Variants in C1orf94 observed in about 807,000 individuals in gnomAD.
The protein encoded by C1orf94 is chromosome 1 open reading frame 94.
In C1orf94, 45 loss-of-function variants were observed where a neutral mutation model predicts 53.6. The observed-to-expected ratio is 0.84, with a 90% CI of 0.66 to 1.08. The LOEUF (loss-of-function observed/expected upper bound fraction) is 1.08. Ranked by LOEUF, C1orf94 falls within the 50% of genes least tolerant of loss-of-function variation. The probability of loss-of-function intolerance (pLI) is 0.00; values close to 1 mark genes in which losing one functional copy is unlikely to be tolerated. For synonymous variants in C1orf94, 304 were observed against 296.1 expected (o/e 1.03, Z -0.27); for missense variants, 762 against 738.9 (o/e 1.03, Z -0.36).
At position 34,202,952 on chromosome 1, in the gene C1orf94, CAT is replaced by C. The variant is rs1217276441; in HGVS notation, c.1446+695_1446+696del. Among the ~76,000 whole-genome samples, 10 of 152,310 alleles carry C rather than the reference CAT, an allele frequency of 6.6e-5. No homozygotes were observed. The South Asian group carries it at 1.2e-3, about 19-fold the overall frequency. On this transcript the variant is annotated intron_variant, in intron 4 of 6. Coordinates refer to ENST00000488417, the MANE Select transcript of C1orf94 (RefSeq NM_001134734.2). ...GATAATACAGTATAATAACTATTTA[CAT>C]AGTACATTATTAGGCGTTGTTAGTA...
At chr1:34,190,675 T>C (rs1642467436) in intron 1 of C1orf94, among the ~76,000 whole-genome samples, 1 of 152,232 alleles carries the variant, frequency 6.6e-6, no homozygotes, top group Admixed American at 6.5e-5. Flanking sequence ...GCAACATAGC[T>C]AGTGGTTAAG....
rs752960436 is a variant in C1orf94, at chr1:34,197,422, G to T, written c.518G>T (p.Arg173Leu). 2 of 1,613,900 alleles carry T rather than the reference G, an allele frequency of 1.2e-6. No homozygotes were observed. The highest frequency in any genetic ancestry group is 4.5e-5 in the East Asian group (2 of 44,864). ...CCTCTAGTGGCAGGCAGTAATGAGC[G>T]CCCCAGAGCCTCCATCATTGTCGGA... ...APPLVAGSNE[R>L]PRASIIVGDK... Residue 173 changes from arginine (R) to leucine (L), a missense_variant, in exon 2 of 7, where the codon CGC becomes CTC. Arg to Leu is a moderately radical substitution (Grantham distance 102). Transcript: ENST00000488417. The surrounding 1 kb of genome is among the most constrained non-coding windows in gnomAD (Gnocchi z 4.1).
At chr1:34,200,704 A>G in intron 2 of C1orf94, 68 bp from the exon 3 acceptor site, 2 of 1,589,488 alleles carry the variant, frequency 1.3e-6, no homozygotes, top group East Asian at 4.5e-5. Context: ...TTAGTCCACA[A>G]AAAGGTGCTT....
intron 1 of C1orf94, among the ~76,000 whole-genome samples, chr1:34,169,982 A>G (rs546769446): frequency 1.7e-4 from 26 of 152,368 alleles, no homozygotes; most frequent in Admixed American, 7.8e-4. Context: ...TAGTGCTACC[A>G]CATGCTGTGG....
intron 5 of C1orf94, 42 bp from the exon 6 acceptor site, chr1:34,212,168 G>A (rs1461177487): frequency 6.4e-7 from 1 of 1,551,064 alleles, no homozygotes; most frequent in Admixed American, 1.8e-5. Context: ...GAGTTGGGCT[G>A]GGGAATGGTG....
chr1:34,185,922 G>A (rs1034257522), intron 1 of C1orf94, among the ~76,000 whole-genome samples: 1 of 152,188 alleles, frequency 6.6e-6, no homozygotes, highest in Admixed American at 6.5e-5. Context: ...AGAGCTACCA[G>A]CAGGTGCATG....
intron 1 of C1orf94, among the ~76,000 whole-genome samples, chr1:34,192,809 A>T (rs1165716030): frequency 6.6e-6 from 1 of 152,142 alleles, no homozygotes; most frequent in Non-Finnish European, 1.5e-5. Context: ...TTGCAGGGAG[A>T]AGCATTCCAT....
chr1:34,210,393 C>T (rs1642870175), intron 5 of C1orf94, among the ~76,000 whole-genome samples: 1 of 152,182 alleles, frequency 6.6e-6, no homozygotes, highest in Admixed American at 6.5e-5. Context: ...AGGGAGGACT[C>T]AGGTTTCCAA....
rs778082498 is a variant in C1orf94 at position 34,197,320 on chromosome 1, A to C, written c.416A>C (p.Glu139Ala). ...AAAGAGCACTCGATCCTGGTCGAAGAGAGTTCTGGGGAGCTGGAGGTACCC... is the reference window on the plus strand; with the variant it reads ...AAAGAGCACTCGATCCTGGTCGAAGCGAGTTCTGGGGAGCTGGAGGTACCC... ...LTKEHSILVE[E>A]SSGELEVPGS... The change falls in exon 2 of 7, where the codon GAG becomes GCG. Residue 139 changes from glutamate to alanine, a missense_variant. By Grantham distance (107) the Glu-to-Ala change is moderately radical. Coordinates refer to ENST00000488417, the MANE Select transcript of C1orf94 (RefSeq NM_001134734.2). This position sits in a 1 kb window ranked among gnomAD's most constrained non-coding sequence, Gnocchi z 4.1. The C allele has an allele frequency of 6.4e-7, 1 of 1,571,896 alleles. No homozygotes were observed. The highest frequency in any genetic ancestry group is 1.2e-5 in the South Asian group (1 of 86,716).
intron 4 of C1orf94, among the ~76,000 whole-genome samples, 173 bp downstream of exon 4, chr1:34,202,432 G>C (rs184192852): frequency 9.9e-4 from 151 of 152,304 alleles, no homozygotes; most frequent in Middle Eastern, 3.4e-3. Context: ...TTGTCAGCTT[G>C]TTGGTTATTT....
intron 1 of C1orf94, among the ~76,000 whole-genome samples, chr1:34,193,587 G>T (rs1294389823): frequency 1.3e-5 from 2 of 152,224 alleles, no homozygotes; most frequent in Admixed American, 6.5e-5. Context: ...AATTAGTGGA[G>T]GCAGCTGGAC....
intron 2 of C1orf94, among the ~76,000 whole-genome samples, chr1:34,198,719 A>T (rs1016674304): frequency 1.3e-5 from 2 of 152,230 alleles, no homozygotes; most frequent in Non-Finnish European, 1.5e-5. Context: ...GGAGGGTCCA[A>T]ATTAATCTAC....
intron 1 of C1orf94, among the ~76,000 whole-genome samples, chr1:34,186,745 G>A (rs1306248972): frequency 6.6e-6 from 1 of 152,186 alleles, no homozygotes; most frequent in Non-Finnish European, 1.5e-5. Context: ...CCCTTAATCG[G>A]GGCTATCAGC....
chr1:34,193,160 G>A (rs1198658157), intron 1 of C1orf94, among the ~76,000 whole-genome samples: 2 of 152,190 alleles, frequency 1.3e-5, no homozygotes, highest in Non-Finnish European at 2.9e-5. Context: ...GCAGCGAAGT[G>A]TTTGATAAAG....
chr1:34,188,476 G>A (rs1642422738), intron 1 of C1orf94, among the ~76,000 whole-genome samples: 1 of 152,146 alleles, frequency 6.6e-6, no homozygotes, highest in Non-Finnish European at 1.5e-5. Flanking sequence ...TTAAGTCTGA[G>A]TATCACCATC....
At position 34,197,421 on chromosome 1, in the gene C1orf94, C is replaced by A. The variant is rs767634440; in HGVS notation, c.517C>A (p.Arg173Ser). Residue 173 changes from arginine (R) to serine (S), a missense_variant, in exon 2 of 7, where the codon CGC becomes AGC. Transcript: ENST00000488417. The surrounding 1 kb of genome is among the most constrained non-coding windows in gnomAD (Gnocchi z 4.1). ...TCCTCTAGTGGCAGGCAGTAATGAG[C>A]GCCCCAGAGCCTCCATCATTGTCGG... Reference protein sequence around the residue: ...APPLVAGSNERPRASIIVGDK... With the variant: ...APPLVAGSNESPRASIIVGDK... 2.0e-5 allele frequency: 33 copies of A among 1,613,770 alleles called. No homozygotes were observed. Among genetic ancestry groups the A allele is most frequent in the Non-Finnish European group, 2.7e-5 (32 of 1,179,860 alleles).
At position 34,212,355 on chromosome 1, in the gene C1orf94, C is replaced by T. The variant is rs1022690522; in HGVS notation, c.1670C>T (p.Pro557Leu). Residue 557 changes from proline (P) to leucine (L), a missense_variant, in exon 6 of 7, where the codon CCT (proline) becomes CTT (leucine). Pro to Leu is a moderately conservative substitution (Grantham distance 98). Coordinates refer to ENST00000488417, the MANE Select transcript of C1orf94 (RefSeq NM_001134734.2). ...PPKMSANPRD[P>L]PLMAGDGPQY... ...AAGATGTCTGCCAACCCCCGAGACC[C>T]TCCCCTAATGGCAGGAGATGGACCG... 1.2e-6 allele frequency: 2 copies of T among 1,613,802 alleles called. No individual in the cohort carries two copies. Among genetic ancestry groups the T allele is most frequent in the Non-Finnish European group, 1.7e-6 (2 of 1,179,876 alleles).
chr1:34,198,174 C>T (rs143449346), intron 2 of C1orf94, among the ~76,000 whole-genome samples: 7 of 152,296 alleles, frequency 4.6e-5, no homozygotes, highest in African/African-American at 7.2e-5. Context: ...GAGAAATAGG[C>T]GCCATGTAGT....
At chr1:34,188,436 G>T (rs1467767122) in intron 1 of C1orf94, among the ~76,000 whole-genome samples, 1 of 152,140 alleles carries the variant, frequency 6.6e-6, no homozygotes, top group Non-Finnish European at 1.5e-5. Flanking sequence ...GGCATTCAGG[G>T]AGCTGAGAGA....
Sources: allele counts gnomAD v4.1 joint callset (sites outside exome capture counted in the v4.1 genomes callset), GRCh38; gene constraint gnomAD v4.1.1; non-coding constraint Gnocchi (gnomAD v3.1); transcripts MANE v1.5; gene names NCBI Gene and HGNC (gene_info 2026-07-23, HGNC 2026-07-21).